CHFR: variants seen among roughly 807,000 people sequenced by gnomAD.
CHFR encodes checkpoint with forkhead and ring finger domains.
CHFR carries 57 observed loss-of-function variants against 87.6 expected under a neutral mutation model. The ratio of observed to expected loss-of-function variants is 0.65; its 90% CI spans 0.53 to 0.81. The LOEUF is 0.81. Ranked by LOEUF, CHFR falls within the 30% of genes least tolerant of loss-of-function variation. The pLI is 0.00. For missense variants in CHFR, 797 were observed against 865.8 expected (o/e 0.92, Z 1.00); for synonymous variants, 381 against 359.2 (o/e 1.06, Z -0.69).
chr12:132,853,223 G>A (rs1329560945), intron 11 of CHFR, among the ~76,000 whole-genome samples: 1 of 152,212 alleles, frequency 6.6e-6, no homozygotes, highest in African/African-American at 2.4e-5. Flanking sequence ...GGCTACGAAT[G>A]AACAGTTACT....
chr12:132,872,357 TAAC>T lies in CHFR; in HGVS notation c.268_270del (p.Val90del), dbSNP rs749471534. 6.2e-7 allele frequency: 1 copy of T among 1,613,682 alleles called. No individual in the cohort carries two copies. ...GTCTGTAAAGGGCATGTCTGCTTCT[TAAC>T]AACCTTCAGCTTGTTAATCACTGTT... On this transcript the variant is annotated inframe_deletion, in exon 4 of 18. Coordinates refer to ENST00000450056, the MANE Select transcript of CHFR (RefSeq NM_001161346.2).
chr12:132,845,252 G>A (rs144627058), intron 15 of CHFR, among the ~76,000 whole-genome samples: 1,651 of 151,808 alleles, frequency 0.011, 19 homozygotes, highest in Non-Finnish European at 0.015. Flanking sequence ...TCAGGAGTTC[G>A]AGACCAGCCT....
At chr12:132,865,124 A>T (rs1013580178) in intron 6 of CHFR, among the ~76,000 whole-genome samples, 2 of 152,162 alleles carry the variant, frequency 1.3e-5, no homozygotes, top group African/African-American at 4.8e-5. Context: ...TGCTTGCTGC[A>T]CTTGAAACGC....
intron 14 of CHFR, 60 bp from the exon 15 acceptor site, chr12:132,847,190 T>G: frequency 1.2e-6 from 2 of 1,603,116 alleles, no homozygotes; most frequent in East Asian, 2.2e-5. Context: ...AACACTGAAA[T>G]AACGAGAGAA....
intron 15 of CHFR, among the ~76,000 whole-genome samples, chr12:132,844,432 C>T (rs1482621969): frequency 6.7e-6 from 1 of 148,302 alleles, no homozygotes; most frequent in African/African-American, 2.5e-5. Context: ...CTACAGGTGC[C>T]CGCCACCACA....
rs779956437 is a variant in CHFR at position 132,856,639 on chromosome 12, G to C, written c.1067-9C>G. 7.4e-6 allele frequency: 12 copies of C among 1,613,608 alleles called. No individual in the cohort carries two copies. The Admixed American group carries it at 1.8e-4, about 25-fold the overall frequency. On this transcript the variant is annotated splice_polypyrimidine_tract_variant and intron_variant, in intron 9 of 17. Transcript: ENST00000450056. ...TTCACTGCGACTCTTGTCTAGAATTGAAAGGACACAGCGCCATTCACCGGC... is the reference window on the plus strand; with the variant it reads ...TTCACTGCGACTCTTGTCTAGAATTCAAAGGACACAGCGCCATTCACCGGC...
rs2137086120 is a variant in CHFR, at chr12:132,887,182, C to T, written c.133+14G>A. The T allele has an allele frequency of 2.0e-6, 3 of 1,480,274 alleles. No homozygotes were observed. Among genetic ancestry groups the T allele is most frequent in the East Asian group, 2.9e-5 (1 of 34,022 alleles). The allele number at this position is 1,480,274 out of a possible 1,614,324, so 91.7% of individuals were successfully genotyped here. On this transcript the variant is annotated intron_variant, in intron 2 of 17. Transcript: ENST00000450056. ...GCCCGGCCCCGGCCCCCGGCCCCGG[C>T]CTCAGCCCCGCACCTCGTCTCCGCC...
At chr12:132,856,325 G>T in intron 10 of CHFR, 143 bp downstream of exon 10, 1 of 858,600 alleles carries the variant, frequency 1.2e-6, no homozygotes, top group Non-Finnish European at 1.8e-6. Flanking sequence ...CAGAAAACAA[G>T]CTCAAGCCAT....
chr12:132,884,248 G>A (rs1288896564), intron 2 of CHFR, among the ~76,000 whole-genome samples: 8 of 151,888 alleles, frequency 5.3e-5, no homozygotes, highest in African/African-American at 1.7e-4. Flanking sequence ...GAGAAACCCC[G>A]TCTCTACTAA....
Position 132,838,002 on chromosome 12 carries a change from C to G in CHFR, c.*3552G>C, listed in dbSNP as rs1010667774. The G allele has an allele frequency of 6.6e-6, 1 of 152,346 alleles. No individual in the cohort carries two copies. Among genetic ancestry groups the G allele is most frequent in the Non-Finnish European group, 1.5e-5 (1 of 68,128 alleles). The allele number at this position is 152,346 out of a possible 1,614,324, so 9.4% of individuals were successfully genotyped here. ...CAACCTAGCGGCCCTGGCAGTGACT[C>G]TGGGGCCTCTTCAGGGAGCCGGCTG... On this transcript the variant is annotated 3_prime_UTR_variant, in exon 18 of 18. Transcript: ENST00000450056.
At position 132,832,558 on chromosome 12, in the gene CHFR, C is replaced by T. The variant is rs1950624779; in HGVS notation, c.*8996G>A. ...GAGTTGATCATTATACATTGTATGT[C>T]TGTATTAAAATATCAAGGTACTCCA... On this transcript the variant is annotated 3_prime_UTR_variant, in exon 18 of 18. Transcript: ENST00000450056. The T allele has an allele frequency of 6.6e-6, 1 of 152,066 alleles. No individual in the cohort carries two copies. Among genetic ancestry groups the T allele is most frequent in the South Asian group, 2.1e-4 (1 of 4,812 alleles). The allele number at this position is 152,066 out of a possible 1,614,324, so 9.4% of individuals were successfully genotyped here. A position where few individuals can be genotyped will look rare whatever the true frequency, so the allele number is the denominator to read the frequency against.
At chr12:132,847,198 G>A (rs1263017464) in intron 14 of CHFR, 68 bp from the exon 15 acceptor site, 1 of 1,597,132 alleles carries the variant, frequency 6.3e-7, no homozygotes, top group Admixed American at 1.7e-5. Context: ...AATAACGAGA[G>A]AAAACATTTC....
At chr12:132,854,978 A>G (rs993586184) in intron 10 of CHFR, 3 of 152,178 alleles carry the variant, frequency 2.0e-5, no homozygotes, top group African/African-American at 7.2e-5. Flanking sequence ...GCGGTGGCTC[A>G]CACCTATAAT....
At chr12:132,868,457 G>A (rs1241204680) in intron 6 of CHFR, among the ~76,000 whole-genome samples, 5 of 152,042 alleles carry the variant, frequency 3.3e-5, no homozygotes, top group Admixed American at 6.6e-5. Context: ...AGCCGAGATC[G>A]CGCCACCGCA....
intron 8 of CHFR, among the ~76,000 whole-genome samples, chr12:132,857,943 T>C (rs1951120317): frequency 6.6e-6 from 1 of 152,160 alleles, no homozygotes; most frequent in Non-Finnish European, 1.5e-5. Flanking sequence ...ATGTGCAGAG[T>C]TCCTTTCATC....
intron 14 of CHFR, 47 bp downstream of exon 14, chr12:132,848,038 G>A (rs1238462760): frequency 4.3e-6 from 7 of 1,613,508 alleles, no homozygotes; most frequent in Non-Finnish European, 5.9e-6. Context: ...GGCTGCACTA[G>A]GGAGAAAATG....
intron 6 of CHFR, chr12:132,867,588 T>G (rs572226108): frequency 6.6e-6 from 1 of 152,322 alleles, no homozygotes; most frequent in East Asian, 1.9e-4. Context: ...CCTGGTGACC[T>G]CAGGAGTAGC....
chr12:132,863,234 G>A (rs1245679605), intron 6 of CHFR, among the ~76,000 whole-genome samples: 2 of 149,726 alleles, frequency 1.3e-5, no homozygotes, highest in African/African-American at 4.9e-5. Context: ...AATGCCAGGC[G>A]CGGTGGCTCA....
At chr12:132,850,761 G>C (rs1950921276) in intron 12 of CHFR, among the ~76,000 whole-genome samples, 1 of 152,082 alleles carries the variant, frequency 6.6e-6, no homozygotes, top group African/African-American at 2.4e-5. Context: ...AGCAACACCG[G>C]TGTGTGCGGC....
Sources: allele counts gnomAD v4.1 joint callset (sites outside exome capture counted in the v4.1 genomes callset), GRCh38; gene constraint gnomAD v4.1.1; transcripts MANE v1.5; gene names NCBI Gene and HGNC (gene_info 2026-07-23, HGNC 2026-07-21).